The following KLHL29 variants were observed in gnomAD, a reference collection of about 807,000 sequenced individuals.
The protein encoded by KLHL29 is kelch like family member 29.
A neutral mutation model predicts 80.4 loss-of-function variants in KLHL29; 21 were observed. That is an observed-to-expected ratio of 0.26 (90% CI 0.19 to 0.38). The LOEUF is 0.38. Ranked by LOEUF, KLHL29 falls within the 10% of genes least tolerant of loss-of-function variation. The pLI is 1.00. For missense variants in KLHL29, 867 were observed against 1,223.9 expected (o/e 0.71, Z 4.35); for synonymous variants, 511 against 526.8 (o/e 0.97, Z 0.41).
At chr2:23,433,153 C>T (rs1013621231) in intron 1 of KLHL29, among the ~76,000 whole-genome samples, 17 of 152,234 alleles carry the variant, frequency 1.1e-4, no homozygotes, top group African/African-American at 3.6e-4. Flanking sequence ...CGCTTTTCTG[C>T]TCCTGCAAAG....
chr2:23,606,931 A>C (rs928203944), intron 3 of KLHL29, among the ~76,000 whole-genome samples: 4 of 152,204 alleles, frequency 2.6e-5, no homozygotes, highest in African/African-American at 7.2e-5. Flanking sequence ...CGATCAAGGC[A>C]CCGGCCAATG....
chr2:23,625,960 G>A (rs1669298313), intron 3 of KLHL29, among the ~76,000 whole-genome samples: 1 of 152,184 alleles, frequency 6.6e-6, no homozygotes, highest in African/African-American at 2.4e-5. Context: ...GCCCGTGCTG[G>A]CACACTGATC....
intron 3 of KLHL29, among the ~76,000 whole-genome samples, chr2:23,564,039 T>A (rs1667523563): frequency 6.6e-6 from 1 of 152,218 alleles, no homozygotes; most frequent in Non-Finnish European, 1.5e-5. Flanking sequence ...GGCCAGCTGT[T>A]GGCCATATGG....
intron 11 of KLHL29, 60 bp from the exon 12 acceptor site, chr2:23,703,126 T>G: frequency 7.9e-7 from 1 of 1,263,582 alleles, no homozygotes; most frequent in Non-Finnish European, 1.0e-6. Flanking sequence ...CCCTTGCTTG[T>G]GACCTCTGCC....
At chr2:23,542,444 C>T (rs1666862792) in intron 2 of KLHL29, among the ~76,000 whole-genome samples, 1 of 152,222 alleles carries the variant, frequency 6.6e-6, no homozygotes, top group African/African-American at 2.4e-5. Flanking sequence ...GGTTCTCTCC[C>T]TCTATCTCTT....
intron 3 of KLHL29, among the ~76,000 whole-genome samples, chr2:23,600,619 C>T (rs1668545035): frequency 6.6e-6 from 1 of 152,176 alleles, no homozygotes; most frequent in Admixed American, 6.6e-5. Flanking sequence ...GCGGTTTTGC[C>T]CTTTTGATTA....
chr2:23,496,814 A>G (rs1301077554), intron 2 of KLHL29, among the ~76,000 whole-genome samples: 2 of 152,194 alleles, frequency 1.3e-5, no homozygotes, highest in African/African-American at 4.8e-5. Flanking sequence ...GCATCCATAC[A>G]TACCATCCAT....
chr2:23,435,583 C>G (rs907246762), intron 1 of KLHL29, among the ~76,000 whole-genome samples: 1 of 152,144 alleles, frequency 6.6e-6, no homozygotes, highest in Non-Finnish European at 1.5e-5. Flanking sequence ...GAATGAGCTG[C>G]GGTTGCACGT....
intron 5 of KLHL29, among the ~76,000 whole-genome samples, chr2:23,676,418 G>A (rs376329941): frequency 1.3e-5 from 2 of 152,158 alleles, no homozygotes; most frequent in Admixed American, 6.5e-5. Context: ...TCCTGACCTC[G>A]TGATCTGCCC....
At chr2:23,431,031 C>T (rs1015451446) in intron 1 of KLHL29, among the ~76,000 whole-genome samples, 1 of 152,232 alleles carries the variant, frequency 6.6e-6, no homozygotes, top group Non-Finnish European at 1.5e-5. Flanking sequence ...AACAGATACT[C>T]CTTTCTCCGT....
In KLHL29 at chr2:23,568,770, T is replaced by G. The variant is rs1374809334; in HGVS notation, c.285+6289T>G. On this transcript the variant is annotated intron_variant, in intron 3 of 13. Transcript: ENST00000486442. ...GGTTGGAAAGAATTGTGATCATTTT[T>G]GCAATCTACCCATGGAGTGTTCCCA... Among the ~76,000 whole-genome samples the G allele has an allele frequency of 2.0e-5, 3 of 152,246 alleles. No homozygotes were observed. In the East Asian group the frequency reaches 5.8e-4, roughly 29 times the overall value.
intron 3 of KLHL29, chr2:23,617,764 T>G (rs565444088): frequency 6.6e-6 from 1 of 152,318 alleles, no homozygotes; most frequent in East Asian, 1.9e-4. Flanking sequence ...GCTTTTCCTG[T>G]GATGTATTGC....
At chr2:23,699,412 G>A (rs1672214776) in intron 11 of KLHL29, among the ~76,000 whole-genome samples, 1 of 152,220 alleles carries the variant, frequency 6.6e-6, no homozygotes, top group Admixed American at 6.5e-5. Flanking sequence ...GAGGGCCTAA[G>A]TATGGAGGCA....
At chr2:23,574,494 C>T (rs1279444384) in intron 3 of KLHL29, among the ~76,000 whole-genome samples, 1 of 152,066 alleles carries the variant, frequency 6.6e-6, no homozygotes. Context: ...AAATAAATGC[C>T]CTGGTTCGTG....
intron 3 of KLHL29, among the ~76,000 whole-genome samples, chr2:23,633,916 C>T (rs1177986203): frequency 6.6e-6 from 1 of 152,008 alleles, no homozygotes; most frequent in African/African-American, 2.4e-5. Flanking sequence ...TCTGGTCTCC[C>T]CTTTGCATTT....
At chr2:23,388,989 C>CTTCTTCTTCTTCTTCT (rs759353519) in intron 1 of KLHL29, among the ~76,000 whole-genome samples, 1 of 106,884 alleles carries the variant, frequency 9.4e-6, no homozygotes, top group Admixed American at 9.7e-5. Flanking sequence ...CTTTCTTCTT[C>CTTCTTCTTCTTCTTCT]TTTTTTTTTT....
intron 2 of KLHL29, among the ~76,000 whole-genome samples, chr2:23,500,819 C>A (rs1665415831): frequency 6.6e-6 from 1 of 152,206 alleles, no homozygotes; most frequent in African/African-American, 2.4e-5. Context: ...ATCAGGATTT[C>A]AAATCCTGCA....
intron 2 of KLHL29, among the ~76,000 whole-genome samples, chr2:23,559,623 C>T (rs1667393377): frequency 6.6e-6 from 1 of 152,012 alleles, no homozygotes; most frequent in South Asian, 2.1e-4. Context: ...GAGGGAATTC[C>T]TGAGGATGGG....
intron 6 of KLHL29, among the ~76,000 whole-genome samples, chr2:23,687,047 A>G (rs1467194167): frequency 6.6e-6 from 1 of 152,164 alleles, no homozygotes; most frequent in Non-Finnish European, 1.5e-5. Context: ...ATGTCTTTTC[A>G]GTCCCCTTGG....
Sources: gnomAD v4.1 joint callset for allele counts (sites outside exome capture counted in the v4.1 genomes callset) on GRCh38, gnomAD v4.1.1 for gene constraint, MANE v1.5 for transcripts, NCBI Gene and HGNC (gene_info 2026-07-23, HGNC 2026-07-21) for gene names.